OSBPL10: variants seen among roughly 807,000 people sequenced by gnomAD.
OSBPL10 encodes oxysterol-binding protein-related protein 10.
A neutral mutation model predicts 81.7 loss-of-function variants in OSBPL10; 49 were observed. That is an observed-to-expected ratio of 0.60 (90% CI 0.48 to 0.76). The LOEUF (loss-of-function observed/expected upper bound fraction) is 0.76. Ranked by LOEUF, OSBPL10 falls within the 30% of genes least tolerant of loss-of-function variation. The pLI is 0.00. For synonymous variants in OSBPL10, 419 were observed against 383.6 expected (o/e 1.09, Z -1.08); for missense variants, 923 against 987.8 (o/e 0.93, Z 0.88).
At chr3:32,018,386 T>C (rs1699333952) in intron 2 of OSBPL10, among the ~76,000 whole-genome samples, 1 of 152,180 alleles carries the variant, frequency 6.6e-6, no homozygotes, top group Non-Finnish European at 1.5e-5. Flanking sequence ...TCTGATTTAG[T>C]TTGCTTTATG....
At chr3:31,929,259 G>C (rs1041420349) in intron 1 of OSBPL10, among the ~76,000 whole-genome samples, 1 of 152,096 alleles carries the variant, frequency 6.6e-6, no homozygotes, top group Non-Finnish European at 1.5e-5. Flanking sequence ...TGTTTAACAA[G>C]AAATTCTACT....
chr3:31,702,021 A>G (rs1308565455), intron 7 of OSBPL10, among the ~76,000 whole-genome samples: 1 of 152,094 alleles, frequency 6.6e-6, no homozygotes, highest in South Asian at 2.1e-4. Flanking sequence ...GGCCACCTAC[A>G]GTTATCTCTA....
chr3:31,785,865 T>C (rs1347669828), intron 4 of OSBPL10, among the ~76,000 whole-genome samples: 2 of 152,178 alleles, frequency 1.3e-5, no homozygotes, highest in African/African-American at 4.8e-5. Flanking sequence ...AGCATGGCTT[T>C]AGGATTCTGG....
At chr3:31,687,034 TCC>T (rs1391226079) in intron 7 of OSBPL10, among the ~76,000 whole-genome samples, 1 of 152,068 alleles carries the variant, frequency 6.6e-6, no homozygotes, top group African/African-American at 2.4e-5. Context: ...AGCTTGGAAA[TCC>T]CTTAATGAAG....
At chr3:31,796,625 G>A (rs924792778) in intron 4 of OSBPL10, among the ~76,000 whole-genome samples, 3 of 152,130 alleles carry the variant, frequency 2.0e-5, no homozygotes, top group Non-Finnish European at 4.4e-5. Context: ...TGGTGGTTGT[G>A]GGGGTGGAGG....
rs186851865 is a variant in OSBPL10, at chr3:31,661,813, A to G, written c.*259T>C. ...GTGCAGTATTTAAATGTGTAATCAT[A>G]CTCAGATGTTTACATAGTGCATGTG... is the stretch of plus-strand genomic sequence containing the variant. On this transcript the variant is annotated 3_prime_UTR_variant, in exon 12 of 12. Transcript: ENST00000396556. The G allele has an allele frequency of 4.4e-5, 16 of 367,232 alleles. No individual in the cohort carries two copies. The highest frequency in any genetic ancestry group is 1.9e-4 in the Admixed American group (4 of 21,452). 22.7% of individuals were successfully genotyped at this position (367,232 alleles called of 1,614,324 possible). A position where few individuals can be genotyped will look rare whatever the true frequency, so the allele number is the denominator to read the frequency against.
At chr3:31,807,670 C>T (rs976775823) in intron 4 of OSBPL10, among the ~76,000 whole-genome samples, 6 of 151,408 alleles carry the variant, frequency 4.0e-5, no homozygotes, top group Non-Finnish European at 5.9e-5. Flanking sequence ...TCCAGAAGTT[C>T]GAGGCTGCAG....
At chr3:31,926,114 TC>T (rs1420519296) in intron 1 of OSBPL10, among the ~76,000 whole-genome samples, 1 of 152,254 alleles carries the variant, frequency 6.6e-6, no homozygotes, top group Non-Finnish European at 1.5e-5. Context: ...CATGTACGTT[TC>T]CTTTGAGGAC....
Position 31,997,872 on chromosome 3 carries a change from C to T in OSBPL10, n.298+48619G>A, listed in dbSNP as rs72854196. Among the ~76,000 whole-genome samples the T allele has an allele frequency of 9.1e-3, 1,390 of 152,232 alleles. 24 individuals are homozygous for T. Among genetic ancestry groups the T allele is most frequent in the African/African-American group, 0.031 (1,307 of 41,550 alleles). On this transcript the variant is annotated intron_variant and non_coding_transcript_variant, in intron 2 of 3. Transcript: ENST00000479173. ...GCACAATCCCAACTCATGGCAGCCT[C>T]GACATCCTGGGCTCAAGCAATCCTC...
chr3:31,738,044 A>T (rs1559441588), intron 5 of OSBPL10, among the ~76,000 whole-genome samples: 1 of 151,996 alleles, frequency 6.6e-6, no homozygotes, highest in Non-Finnish European at 1.5e-5. Context: ...CACAACAGAG[A>T]TCCAAGAGAT....
At chr3:31,853,497 A>G (rs1358458225) in intron 3 of OSBPL10, among the ~76,000 whole-genome samples, 1 of 152,160 alleles carries the variant, frequency 6.6e-6, no homozygotes, top group African/African-American at 2.4e-5. Context: ...TGCTGGGCAG[A>G]AAGAAAAATG....
chr3:31,927,239 C>T (rs529854850), intron 1 of OSBPL10, among the ~76,000 whole-genome samples: 6 of 152,278 alleles, frequency 3.9e-5, no homozygotes, highest in South Asian at 2.1e-4. Context: ...GAATCTGAAA[C>T]ATTTTCAATT....
intron 2 of OSBPL10, among the ~76,000 whole-genome samples, chr3:32,011,668 A>T (rs1247135361): frequency 6.6e-6 from 1 of 152,244 alleles, no homozygotes; most frequent in East Asian, 1.9e-4. Context: ...GTTCGAACCC[A>T]TGGCAGAGAA....
intron 2 of OSBPL10, among the ~76,000 whole-genome samples, chr3:32,014,834 T>C (rs1173263992): frequency 6.6e-6 from 1 of 152,092 alleles, no homozygotes; most frequent in East Asian, 1.9e-4. Flanking sequence ...ATGAGTGAAC[T>C]CCCATTCACA....
At chr3:31,923,850 C>T (rs1696988755) in intron 1 of OSBPL10, among the ~76,000 whole-genome samples, 1 of 152,044 alleles carries the variant, frequency 6.6e-6, no homozygotes, top group South Asian at 2.1e-4. Flanking sequence ...TTTTTAAAAG[C>T]CAAAAATATT....
chr3:31,856,247 A>G (rs1700910673), intron 3 of OSBPL10, among the ~76,000 whole-genome samples: 1 of 152,082 alleles, frequency 6.6e-6, no homozygotes, highest in African/African-American at 2.4e-5. Flanking sequence ...GTTGCACTTT[A>G]TTAAGACAAT....
In OSBPL10 at chr3:31,683,363, G is replaced by A. The variant is rs2278958; in HGVS notation, c.1726+271C>T. 5.1e-4 allele frequency among the ~76,000 whole-genome samples: 77 copies of A among 152,250 alleles called. No homozygotes were observed. The East Asian group carries it at 0.014, about 29-fold the overall frequency. On this transcript the variant is annotated intron_variant, in intron 8 of 11. Transcript: ENST00000396556. ...AAAACAGTACCTGTAAGGTGTGCAC[G>A]CACGCGCGTGCACAGCATGGGAAGG...
intron 1 of OSBPL10, among the ~76,000 whole-genome samples, chr3:31,893,321 C>A (rs995159179): frequency 6.6e-6 from 1 of 152,156 alleles, no homozygotes; most frequent in African/African-American, 2.4e-5. Context: ...TGAAAAGATG[C>A]ACATGATTAG....
chr3:31,754,269 C>T (rs1024232406), intron 4 of OSBPL10, among the ~76,000 whole-genome samples: 3 of 152,130 alleles, frequency 2.0e-5, no homozygotes, highest in Non-Finnish European at 4.4e-5. Flanking sequence ...TTCGTGACTG[C>T]CAAGTATCTG....
Sources: gnomAD v4.1 joint callset for allele counts (sites outside exome capture counted in the v4.1 genomes callset) on GRCh38, gnomAD v4.1.1 for gene constraint, MANE v1.5 for transcripts, NCBI Gene and HGNC (gene_info 2026-07-23, HGNC 2026-07-21) for gene names.